Variants in DYNC1I1 observed in about 807,000 individuals in gnomAD.
DYNC1I1 encodes cytoplasmic dynein 1 intermediate chain 1.
In DYNC1I1, 43 loss-of-function variants were observed where a neutral mutation model predicts 86.6. That is an observed-to-expected ratio of 0.50 (90% CI 0.39 to 0.64). The LOEUF is 0.64. DYNC1I1 is among the 30% of genes least tolerant of loss of function. The pLI is 0.00. For missense variants in DYNC1I1, 604 were observed against 788.8 expected (o/e 0.77, Z 2.81); for synonymous variants, 262 against 283.7 (o/e 0.92, Z 0.77).
chr7:95,952,804 C>T (rs1373665501), intron 6 of DYNC1I1, among the ~76,000 whole-genome samples: 4 of 152,076 alleles, frequency 2.6e-5, no homozygotes, highest in Non-Finnish European at 5.9e-5. Context: ...CTTCCTCTGT[C>T]CTTTTATGCA....
intron 11 of DYNC1I1, among the ~76,000 whole-genome samples, chr7:96,029,541 T>C (rs1584262535): frequency 6.6e-6 from 1 of 152,158 alleles, no homozygotes; most frequent in Non-Finnish European, 1.5e-5. Context: ...AAAATTAACA[T>C]TTCTTTTGTG....
At chr7:95,949,123 G>A (rs1249174719) in intron 6 of DYNC1I1, among the ~76,000 whole-genome samples, 2 of 152,134 alleles carry the variant, frequency 1.3e-5, no homozygotes, top group East Asian at 3.9e-4. Flanking sequence ...GAAAAAATTG[G>A]ACTTCAAGGA....
At chr7:96,009,953 A>T (rs1269811855) in intron 10 of DYNC1I1, among the ~76,000 whole-genome samples, 1 of 151,908 alleles carries the variant, frequency 6.6e-6, no homozygotes, top group East Asian at 1.9e-4. Context: ...CAAATTTTGT[A>T]TTTTTAGTAA....
chr7:95,908,000 T>C (rs1275714184), intron 6 of DYNC1I1, among the ~76,000 whole-genome samples: 2 of 152,194 alleles, frequency 1.3e-5, no homozygotes, highest in Admixed American at 1.3e-4. Flanking sequence ...TTTATAATTG[T>C]TAACTATGTT....
Position 96,098,150 on chromosome 7 carries a change from G to A in DYNC1I1, c.*557G>A. 1.0e-6 allele frequency: 1 copy of A among 985,976 alleles called. No homozygotes were observed. The highest frequency in any genetic ancestry group is 1.1e-4 in the East Asian group (1 of 8,830). 61.1% of individuals were successfully genotyped at this position (985,976 alleles called of 1,614,324 possible). ...TAAAATAAATGATCCTAGAGCATGTGCATAATGAGAGGACTGTATTCTCTC... is the reference window on the plus strand; with the variant it reads ...TAAAATAAATGATCCTAGAGCATGTACATAATGAGAGGACTGTATTCTCTC... On this transcript the variant is annotated 3_prime_UTR_variant, in exon 17 of 17. Transcript: ENST00000447467.
chr7:96,022,724 G>A (rs1794583727), intron 10 of DYNC1I1, among the ~76,000 whole-genome samples: 1 of 151,848 alleles, frequency 6.6e-6, no homozygotes. Flanking sequence ...AATTACCTCG[G>A]TGTGGTTGCA....
intron 6 of DYNC1I1, among the ~76,000 whole-genome samples, chr7:95,884,403 ATT>A (rs760044583): frequency 3.4e-5 from 5 of 145,160 alleles, no homozygotes; most frequent in East Asian, 2.0e-4. Flanking sequence ...CTGGCCCTTC[ATT>A]TTTTTTTTTT....
chr7:95,781,415 A>G (rs991498274), intron 1 of DYNC1I1, among the ~76,000 whole-genome samples: 37 of 152,208 alleles, frequency 2.4e-4, no homozygotes, highest in Non-Finnish European at 1.5e-4. Context: ...AAGAAATGTG[A>G]GTTCAAAAAA....
chr7:95,894,460 G>T (rs796692072), intron 6 of DYNC1I1, among the ~76,000 whole-genome samples: 1 of 1,630 alleles, frequency 6.1e-4, no homozygotes, highest in Admixed American at 0.024. Flanking sequence ...CCTGAATTTG[G>T]GGGGGGGACA....
rs3817484 is a variant in DYNC1I1 at position 95,810,102 on chromosome 7, C to G, written c.109-290C>G. 3.2e-4 allele frequency among the ~76,000 whole-genome samples: 48 copies of G among 152,130 alleles called. 1 individual carries two copies. In the East Asian group the frequency reaches 9.3e-3, roughly 29 times the overall value. On this transcript the variant is annotated intron_variant, in intron 2 of 16. Coordinates refer to ENST00000447467, the MANE Select transcript of DYNC1I1 (RefSeq NM_001135556.2). ...CAGAATTTTTTTTTATATTATATCC[C>G]CAGCCAGAAATACTTTGCCTTGATG...
chr7:96,003,571 T>C (rs1205294385), intron 10 of DYNC1I1, among the ~76,000 whole-genome samples: 1 of 152,162 alleles, frequency 6.6e-6, no homozygotes, highest in Non-Finnish European at 1.5e-5. Context: ...AACATTTTCA[T>C]ATAGGCAAGA....
chr7:96,043,959 C>T lies in DYNC1I1; in HGVS notation c.1509+4538C>T, dbSNP rs539308848. Among the ~76,000 whole-genome samples, 9 of 152,238 alleles carry T rather than the reference C, an allele frequency of 5.9e-5. No homozygotes were observed. In the East Asian group the frequency reaches 1.4e-3, roughly 23 times the overall value. ...TCCTGACCTCGTGATCCACCCGCCT[C>T]AGCCTCCCAAAGTGCTGGGATTACA... On this transcript the variant is annotated intron_variant, in intron 14 of 16. Coordinates refer to ENST00000447467, the MANE Select transcript of DYNC1I1 (RefSeq NM_001135556.2).
intron 6 of DYNC1I1, among the ~76,000 whole-genome samples, chr7:95,871,895 A>G (rs1333593294): frequency 6.6e-6 from 1 of 152,248 alleles, no homozygotes; most frequent in Non-Finnish European, 1.5e-5. Context: ...GGGCATTTAC[A>G]TGGTTCAGAT....
At chr7:96,036,080 T>C (rs986010303) in intron 13 of DYNC1I1, among the ~76,000 whole-genome samples, 4 of 152,160 alleles carry the variant, frequency 2.6e-5, no homozygotes, top group Non-Finnish European at 4.4e-5. Context: ...ATATTTCTTA[T>C]CCCTCCATGC....
chr7:95,958,606 C>T (rs1171914238), intron 6 of DYNC1I1, among the ~76,000 whole-genome samples: 1 of 152,050 alleles, frequency 6.6e-6, no homozygotes, highest in Non-Finnish European at 1.5e-5. Context: ...TATGTTGTAA[C>T]CAAAAAGTAT....
At chr7:95,818,770 T>C in intron 4 of DYNC1I1, 1 of 385,476 alleles carries the variant, frequency 2.6e-6, no homozygotes, top group Non-Finnish European at 4.6e-6. Context: ...TCTTAGCACC[T>C]TAGTGCTTAT....
At chr7:95,842,464 A>G (rs1457339530) in intron 5 of DYNC1I1, among the ~76,000 whole-genome samples, 1 of 152,198 alleles carries the variant, frequency 6.6e-6, no homozygotes, top group Non-Finnish European at 1.5e-5. Flanking sequence ...GGCATTATCA[A>G]TCAGACGAAT....
intron 6 of DYNC1I1, among the ~76,000 whole-genome samples, chr7:95,976,616 C>G (rs965084009): frequency 3.9e-5 from 6 of 152,280 alleles, no homozygotes; most frequent in African/African-American, 1.2e-4. Context: ...CTTTTCAACT[C>G]TCTTTGAACC....
At chr7:96,084,437 C>CTTTTTTTTTTTT (rs1562999521) in intron 16 of DYNC1I1, among the ~76,000 whole-genome samples, 1 of 118,994 alleles carries the variant, frequency 8.4e-6, no homozygotes, top group African/African-American at 2.9e-5. Flanking sequence ...CTTTTTTTTT[C>CTTTTTTTTTTTT]TTTTCTTTTT....
Sources: allele counts gnomAD v4.1 joint callset (sites outside exome capture counted in the v4.1 genomes callset), GRCh38; gene constraint gnomAD v4.1.1; transcripts MANE v1.5; gene names NCBI Gene and HGNC (gene_info 2026-07-23, HGNC 2026-07-21).